The following ARHGAP39 variants were observed in gnomAD, a reference collection of about 807,000 sequenced individuals.
The protein encoded by ARHGAP39 is rho GTPase-activating protein 39.
Under a neutral mutation model 106.9 loss-of-function variants are expected in ARHGAP39, and 44 were observed. That is an observed-to-expected ratio of 0.41 (90% CI 0.32 to 0.53). The LOEUF (loss-of-function observed/expected upper bound fraction) is 0.53. Among genes scored for constraint, ARHGAP39 ranks in the 20% least tolerant of loss-of-function variants. The pLI is 0.21. For missense variants in ARHGAP39, 1,496 were observed against 1,577.3 expected (o/e 0.95, Z 0.87); for synonymous variants, 768 against 693.2 (o/e 1.11, Z -1.69).
At chr8:144,559,219 C>CA (rs1294881432) in intron 3 of ARHGAP39, among the ~76,000 whole-genome samples, 2 of 151,226 alleles carry the variant, frequency 1.3e-5, no homozygotes, top group Non-Finnish European at 2.9e-5. Context: ...AAACAAAAAA[C>CA]AAAAAAACAA....
At chr8:144,655,351 A>T (rs1338754394) in intron 1 of ARHGAP39, among the ~76,000 whole-genome samples, 1 of 152,202 alleles carries the variant, frequency 6.6e-6, no homozygotes, top group African/African-American at 2.4e-5. Flanking sequence ...AACCAGCTGA[A>T]GAGAGGAGCT....
the ARHGAP39 span, among the ~76,000 whole-genome samples, chr8:144,691,730 A>G: frequency 6.6e-6 from 1 of 151,960 alleles, no homozygotes; most frequent in Non-Finnish European, 1.5e-5. Flanking sequence ...GGGGCTCTTT[A>G]AGAATTTGAT....
At chr8:144,557,593 G>A (rs867010575) in intron 3 of ARHGAP39, among the ~76,000 whole-genome samples, 3,282 of 114,674 alleles carry the variant, frequency 0.029, 29 homozygotes, top group African/African-American at 0.11. Context: ...CTGAACCTTC[G>A]TAGTATTCAG....
intron 1 of ARHGAP39, among the ~76,000 whole-genome samples, chr8:144,667,043 C>A (rs1426524368): frequency 6.6e-6 from 1 of 152,202 alleles, no homozygotes; most frequent in Non-Finnish European, 1.5e-5. Flanking sequence ...TCCATAAAAC[C>A]ATTTCGAACC....
chr8:144,581,391 G>T, intron 2 of ARHGAP39, 114 bp from the exon 3 acceptor site: 1 of 1,216,148 alleles, frequency 8.2e-7, no homozygotes, highest in Non-Finnish European at 1.1e-6. Context: ...TCCTGTCATA[G>T]AGGAAAGCAA....
Position 144,529,793 on chromosome 8 carries a change from C to G in ARHGAP39, c.*629G>C, listed in dbSNP as rs1816587478. On this transcript the variant is annotated 3_prime_UTR_variant, in exon 12 of 12. Coordinates refer to ENST00000377307, the MANE Select transcript of ARHGAP39 (RefSeq NM_025251.3). ...CTCTCGCCCCTCCCCCACCCTGCCC[C>G]CAGAATGCCTGCCCAGCCCTGCTCC... 1 of 152,200 alleles carries G rather than the reference C, an allele frequency of 6.6e-6. No individual in the cohort carries two copies. The allele number at this position is 152,200 out of a possible 1,614,324, so 9.4% of individuals were successfully genotyped here.
intron 2 of ARHGAP39, among the ~76,000 whole-genome samples, chr8:144,600,811 G>A (rs116089026): frequency 0.011 from 1,685 of 150,994 alleles, 34 homozygotes; most frequent in African/African-American, 0.039. Flanking sequence ...ACCTACCTGC[G>A]CGTGTGTGTG....
chr8:144,545,912 A>T, intron 5 of ARHGAP39, 102 bp from the exon 6 acceptor site: 2 of 1,034,766 alleles, frequency 1.9e-6, no homozygotes, highest in Non-Finnish European at 2.7e-6. Flanking sequence ...GGGCCCCACC[A>T]GAGCCAGCCA....
chr8:144,561,472 GTGGTTTCCATCAC>G (rs1818153729), intron 3 of ARHGAP39, among the ~76,000 whole-genome samples: 4 of 150,898 alleles, frequency 2.7e-5, no homozygotes, highest in Non-Finnish European at 4.4e-5. Flanking sequence ...TCACACTCCA[GTGGTTTCCATCAC>G]ACTCCAGTGG....
chr8:144,534,543 G>A (rs369083739), intron 7 of ARHGAP39, among the ~76,000 whole-genome samples: 21 of 152,360 alleles, frequency 1.4e-4, no homozygotes, highest in Non-Finnish European at 2.5e-4. Flanking sequence ...GACCCAGGGA[G>A]CTGTCCAGGT....
At chr8:144,654,285 G>A (rs1377880821) in intron 1 of ARHGAP39, among the ~76,000 whole-genome samples, 1 of 152,126 alleles carries the variant, frequency 6.6e-6, no homozygotes. Context: ...CAAGTGGACT[G>A]CTTGAGCCCA....
chr8:144,545,879 A>G, intron 5 of ARHGAP39, 69 bp from the exon 6 acceptor site: 1 of 1,368,576 alleles, frequency 7.3e-7, no homozygotes, highest in South Asian at 1.4e-5. Context: ...CCACTGGGCC[A>G]CAGTCCCCAG....
At chr8:144,537,658 G>A in intron 7 of ARHGAP39, 63 bp downstream of exon 7, 3 of 1,462,012 alleles carry the variant, frequency 2.1e-6, no homozygotes, top group South Asian at 1.2e-5. Flanking sequence ...AGGCCAGGCG[G>A]CCGAGGCTGG....
chr8:144,600,619 T>G (rs530594917), intron 2 of ARHGAP39, among the ~76,000 whole-genome samples: 1 of 144,258 alleles, frequency 6.9e-6, no homozygotes, highest in African/African-American at 2.6e-5. Flanking sequence ...GAGGCGTGCG[T>G]GCGCACTTGG....
At chr8:144,583,640 A>G (rs905595122) in intron 2 of ARHGAP39, among the ~76,000 whole-genome samples, 1 of 152,184 alleles carries the variant, frequency 6.6e-6, no homozygotes, top group Non-Finnish European at 1.5e-5. Context: ...TGGCCAGCAC[A>G]CCGTCACCCT....
At chr8:144,624,302 G>T (rs1386414586) in intron 1 of ARHGAP39, among the ~76,000 whole-genome samples, 1 of 152,098 alleles carries the variant, frequency 6.6e-6, no homozygotes, top group Non-Finnish European at 1.5e-5. Context: ...ACAAAACAAT[G>T]AATCATTAAA....
chr8:144,695,796 G>A, the ARHGAP39 span, among the ~76,000 whole-genome samples: 6 of 152,194 alleles, frequency 3.9e-5, no homozygotes, highest in Non-Finnish European at 7.3e-5. Context: ...GGTGATAGAC[G>A]CGGGTCGTTG....
intron 3 of ARHGAP39, among the ~76,000 whole-genome samples, chr8:144,571,937 A>T (rs1219929779): frequency 6.6e-6 from 1 of 152,190 alleles, no homozygotes; most frequent in Non-Finnish European, 1.5e-5. Flanking sequence ...GATGTGAAGG[A>T]CCCCTTCAAG....
At chr8:144,597,535 C>A (rs925008142) in intron 2 of ARHGAP39, among the ~76,000 whole-genome samples, 1 of 152,202 alleles carries the variant, frequency 6.6e-6, no homozygotes, top group Non-Finnish European at 1.5e-5. Flanking sequence ...GAGCCCCTCG[C>A]TGCCCCTTGC....
Sources: gnomAD v4.1 joint callset for allele counts (sites outside exome capture counted in the v4.1 genomes callset) on GRCh38, gnomAD v4.1.1 for gene constraint, MANE v1.5 for transcripts, NCBI Gene and HGNC (gene_info 2026-07-23, HGNC 2026-07-21) for gene names.